The following RIPOR2 variants were observed in gnomAD, a reference collection of about 807,000 sequenced individuals.
RIPOR2 encodes rho family-interacting cell polarization regulator 2.
RIPOR2 carries 39 observed loss-of-function variants against 114.5 expected under a neutral mutation model. The ratio of observed to expected loss-of-function variants is 0.34; its 90% CI spans 0.26 to 0.44. RIPOR2 has a LOEUF of 0.44. Ranked by LOEUF, RIPOR2 falls within the 20% of genes least tolerant of loss-of-function variation. The probability of loss-of-function intolerance (pLI) is 1.00; values close to 1 mark genes in which losing one functional copy is unlikely to be tolerated. For synonymous variants in RIPOR2, 445 were observed against 484.4 expected (o/e 0.92, Z 1.07); for missense variants, 1,007 against 1,255.1 (o/e 0.80, Z 2.99).
At chr6:24,927,654 T>C (rs1326322163) in intron 1 of RIPOR2, among the ~76,000 whole-genome samples, 1 of 151,978 alleles carries the variant, frequency 6.6e-6, no homozygotes, top group Non-Finnish European at 1.5e-5. Flanking sequence ...ACCACCACCA[T>C]CATCATCAGT....
Position 25,037,698 on chromosome 6 carries a change from A to G in RIPOR2, c.76+4153T>C, listed in dbSNP as rs566320473. 1.8e-3 allele frequency among the ~76,000 whole-genome samples: 281 copies of G among 152,270 alleles called. No homozygotes were observed. Among genetic ancestry groups the G allele is most frequent in the African/African-American group, 6.0e-3 (250 of 41,562 alleles). ...GACTAGAAAAGAAAATAAATATTTCATTACAGATTCTGGGGGTGAAAGGAA... is the reference window on the plus strand; with the variant it reads ...GACTAGAAAAGAAAATAAATATTTCGTTACAGATTCTGGGGGTGAAAGGAA... On this transcript the variant is annotated intron_variant, in intron 1 of 13. Coordinates refer to the RIPOR2 transcript ENST00000510784. The surrounding 1 kb of genome is among the most constrained non-coding windows in gnomAD (Gnocchi z 4.5).
At chr6:24,921,653 C>CA (rs530133055) in intron 1 of RIPOR2, among the ~76,000 whole-genome samples, 1 of 149,084 alleles carries the variant, frequency 6.7e-6, no homozygotes, top group African/African-American at 2.5e-5. Context: ...CACTTATCGC[C>CA]CCCCCCGACC....
chr6:24,924,047 C>T (rs577688037), intron 1 of RIPOR2, among the ~76,000 whole-genome samples: 1 of 152,140 alleles, frequency 6.6e-6, no homozygotes, highest in African/African-American at 2.4e-5. Context: ...CTTTCTTGTT[C>T]TTGAATTAAC....
intron 8 of RIPOR2, among the ~76,000 whole-genome samples, chr6:24,860,112 G>A (rs1401433482): frequency 2.0e-5 from 3 of 152,178 alleles, no homozygotes; most frequent in Non-Finnish European, 2.9e-5. Context: ...AATGTGTCTA[G>A]TTTGGAACTT....
intron 1 of RIPOR2, among the ~76,000 whole-genome samples, chr6:25,031,885 C>CT (rs1177552351): frequency 6.7e-6 from 1 of 148,676 alleles, no homozygotes; most frequent in Non-Finnish European, 1.5e-5. Context: ...ATTATTTCAA[C>CT]TTTTCTATAT....
intron 1 of RIPOR2, among the ~76,000 whole-genome samples, chr6:24,988,959 C>G (rs1326021858): frequency 2.0e-5 from 3 of 152,128 alleles, no homozygotes; most frequent in Non-Finnish European, 4.4e-5. Context: ...ATATCTAATC[C>G]AGATTTTAAT....
At position 24,806,455 on chromosome 6, in the gene RIPOR2, G is replaced by A. The variant is rs1780776683; in HGVS notation, c.3062C>T (p.Ala1021Val). ...LLSLGEDGRL[A>V]YEQLDKFPRD... is the part of the protein sequence containing the mutation. ...AGGAAATTTGTCCAATTGTTCATAT[G>A]CCAGCCGCCCATCTTCTCCTAAATA... Residue 1021 changes from alanine (A) to valine (V), a missense_variant, in exon 22 of 22, where the codon GCA becomes GTA. Physicochemically the swap from Ala to Val is moderately conservative, Grantham distance 64 (BLOSUM62 0). Transcript: ENST00000643898. 6.4e-7 allele frequency: 1 copy of A among 1,551,300 alleles called. No homozygotes were observed. Among genetic ancestry groups the A allele is most frequent in the African/African-American group, 1.4e-5 (1 of 73,014 alleles).
At chr6:25,002,499 T>G (rs1490097441) in intron 1 of RIPOR2, among the ~76,000 whole-genome samples, 1 of 152,242 alleles carries the variant, frequency 6.6e-6, no homozygotes, top group African/African-American at 2.4e-5. Context: ...CCTTATCTAT[T>G]CAGTGAACGC....
intron 1 of RIPOR2, chr6:25,024,163 G>T: frequency 8.2e-7 from 1 of 1,224,406 alleles, no homozygotes; most frequent in Non-Finnish European, 1.2e-6. Context: ...CCCTCCTGCT[G>T]GGCGATTTCC....
chr6:24,807,027 T>C (rs1442264720), intron 21 of RIPOR2, among the ~76,000 whole-genome samples: 1 of 152,230 alleles, frequency 6.6e-6, no homozygotes, highest in Non-Finnish European at 1.5e-5. Context: ...TAGGATGCAA[T>C]TGCAAATAAT....
chr6:24,994,726 CTG>C (rs1358771257), intron 1 of RIPOR2, among the ~76,000 whole-genome samples: 1 of 151,974 alleles, frequency 6.6e-6, no homozygotes, highest in Non-Finnish European at 1.5e-5. Context: ...CCCTGGCTCC[CTG>C]GGCCAGTGCT....
intron 12 of RIPOR2, among the ~76,000 whole-genome samples, chr6:24,844,564 G>T (rs895382484): frequency 1.3e-5 from 2 of 151,636 alleles, no homozygotes; most frequent in Non-Finnish European, 2.9e-5. Flanking sequence ...TCGGCCTCCT[G>T]AGTTCAAGTG....
In RIPOR2 at chr6:24,883,247, G is replaced by C. The variant is rs1287862434; in HGVS notation, c.62-7430C>G. Among the ~76,000 whole-genome samples the C allele has an allele frequency of 1.3e-5, 2 of 152,186 alleles. No individual in the cohort carries two copies. The highest frequency in any genetic ancestry group is 4.8e-5 in the African/African-American group (2 of 41,440). On this transcript the variant is annotated intron_variant, in intron 1 of 21. Coordinates refer to ENST00000643898, the MANE Select transcript of RIPOR2 (RefSeq NM_001286445.3). The surrounding 1 kb of genome is among the most constrained non-coding windows in gnomAD (Gnocchi z 4.1). ...GAATGACATGAGTAAGGATATCTCA[G>C]TTCTCGCCAAGGCATTTCTCATGGG...
At chr6:25,018,349 TC>T (rs1776119119) in intron 1 of RIPOR2, among the ~76,000 whole-genome samples, 1 of 152,212 alleles carries the variant, frequency 6.6e-6, no homozygotes, top group South Asian at 2.1e-4. Context: ...GCAAACCCAC[TC>T]ATATACAGAA....
intron 1 of RIPOR2, chr6:25,014,943 G>T (rs1213081197): frequency 1.3e-5 from 2 of 152,134 alleles, no homozygotes; most frequent in African/African-American, 4.8e-5. Context: ...AATTTGACGA[G>T]CCAAAATATG....
intron 18 of RIPOR2, 54 bp downstream of exon 18, chr6:24,828,083 G>A (rs1760340427): frequency 7.1e-7 from 1 of 1,417,746 alleles, no homozygotes; most frequent in Non-Finnish European, 9.4e-7. Flanking sequence ...TAAAAGAGCA[G>A]AGATAACGCC....
At chr6:24,982,308 A>T (rs1467163547) in intron 1 of RIPOR2, among the ~76,000 whole-genome samples, 3 of 152,262 alleles carry the variant, frequency 2.0e-5, no homozygotes, top group Non-Finnish European at 4.4e-5. Flanking sequence ...TTCTACTTCC[A>T]GGATCCACAT....
chr6:24,893,904 G>A (rs1032379587), intron 1 of RIPOR2, among the ~76,000 whole-genome samples: 3 of 152,180 alleles, frequency 2.0e-5, no homozygotes, highest in Non-Finnish European at 4.4e-5. Context: ...AAACAAATGC[G>A]CAATTTGAGC....
chr6:24,956,995 T>C (rs1773068972), intron 1 of RIPOR2, among the ~76,000 whole-genome samples: 1 of 152,250 alleles, frequency 6.6e-6, no homozygotes, highest in East Asian at 1.9e-4. Context: ...CAACTTAAAC[T>C]GTTATCTTTG....
Sources: gnomAD v4.1 joint callset for allele counts (sites outside exome capture counted in the v4.1 genomes callset) on GRCh38, gnomAD v4.1.1 for gene constraint, Gnocchi (gnomAD v3.1) non-coding constraint, MANE v1.5 for transcripts, NCBI Gene and HGNC (gene_info 2026-07-23, HGNC 2026-07-21) for gene names.